The following TMEM131 variants were observed in gnomAD, a reference collection of about 807,000 sequenced individuals.
TMEM131 encodes transmembrane protein 131.
In TMEM131, 66 loss-of-function variants were observed where a neutral mutation model predicts 211.6. The observed-to-expected ratio is 0.31, with a 90% CI of 0.26 to 0.38. The LOEUF is 0.38. Among genes scored for constraint, TMEM131 ranks in the 10% least tolerant of loss-of-function variants. The pLI is 1.00. For missense variants in TMEM131, 2,036 were observed against 2,299.3 expected, an observed-to-expected ratio of 0.89 and a Z score of 2.34; for synonymous variants, 844 against 841.3, an observed-to-expected ratio of 1.00 and a Z score of -0.06.
rs1221501887 is a variant in TMEM131, at chr2:97,776,786, T to C, written c.4145-768A>G. On this transcript the variant is annotated intron_variant, in intron 31 of 40. Coordinates refer to ENST00000186436, the MANE Select transcript of TMEM131 (RefSeq NM_015348.2). ...TTAGGGGCGCTAAGAGTCCCAGCAGTGTAGCCATAATGGCTGGGTGCAAAC... is the reference window on the plus strand; with the variant it reads ...TTAGGGGCGCTAAGAGTCCCAGCAGCGTAGCCATAATGGCTGGGTGCAAAC... Among the ~76,000 whole-genome samples the C allele has an allele frequency of 3.3e-5, 5 of 152,300 alleles. No individual in the cohort carries two copies. In the East Asian group the frequency reaches 5.8e-4, roughly 18 times the overall value.
intron 4 of TMEM131, among the ~76,000 whole-genome samples, chr2:97,875,984 A>G (rs887469268): frequency 1.2e-4 from 18 of 152,224 alleles, no homozygotes; most frequent in African/African-American, 4.3e-4. Context: ...AGACTAATAG[A>G]GAAGAATCAA....
At chr2:97,975,231 C>T (rs1361541908) in intron 1 of TMEM131, among the ~76,000 whole-genome samples, 1 of 150,794 alleles carries the variant, frequency 6.6e-6, no homozygotes, top group African/African-American at 2.4e-5. Context: ...AAATTACACT[C>T]TAAGTAAGCA....
chr2:97,852,058 T>C (rs1348872994), intron 5 of TMEM131, among the ~76,000 whole-genome samples: 1 of 152,196 alleles, frequency 6.6e-6, no homozygotes, highest in Non-Finnish European at 1.5e-5. Flanking sequence ...AAAAATGCTA[T>C]TCCAGTGAAC....
At chr2:97,784,205 A>G (rs562530396) in intron 31 of TMEM131, among the ~76,000 whole-genome samples, 5 of 152,220 alleles carry the variant, frequency 3.3e-5, no homozygotes, top group African/African-American at 1.2e-4. Context: ...ACTTAACACC[A>G]TTATCAACCA....
intron 36 of TMEM131, 32 bp downstream of exon 36, chr2:97,762,003 G>C: frequency 1.3e-6 from 2 of 1,527,654 alleles, no homozygotes; most frequent in Non-Finnish European, 1.7e-6. Flanking sequence ...CACATTTCAA[G>C]CTGAGAACCG....
intron 2 of TMEM131, among the ~76,000 whole-genome samples, chr2:97,908,992 T>G (rs577251126): frequency 5.3e-5 from 8 of 152,182 alleles, no homozygotes; most frequent in Non-Finnish European, 1.0e-4. Flanking sequence ...GACTGTTCCC[T>G]GCTCACTAAC....
intron 1 of TMEM131, among the ~76,000 whole-genome samples, chr2:97,928,065 G>A (rs1466924): frequency 0.76 from 116,330 of 152,078 alleles, 46,195 homozygotes; most frequent in African/African-American, 0.89. Flanking sequence ...TCGTGCTTCT[G>A]GTATTGACTG....
intron 1 of TMEM131, 97 bp from the exon 2 acceptor site, chr2:97,927,584 T>G (rs1286831842): frequency 9.7e-7 from 1 of 1,033,206 alleles, no homozygotes; most frequent in Non-Finnish European, 1.3e-6. Context: ...ATTTTATATC[T>G]AAAAATGGAC....
intron 26 of TMEM131, 84 bp downstream of exon 26, chr2:97,797,281 T>C: frequency 3.1e-6 from 4 of 1,277,340 alleles, no homozygotes; most frequent in East Asian, 2.3e-5. Flanking sequence ...TTTCATAAGT[T>C]AGACATGCAA....
At chr2:97,793,033 T>C in intron 30 of TMEM131, 49 bp from the exon 31 acceptor site, 1 of 1,340,166 alleles carries the variant, frequency 7.5e-7, no homozygotes, top group Non-Finnish European at 9.9e-7. Flanking sequence ...CTACAAAATC[T>C]AATATTAAAA....
chr2:97,973,646 C>A (rs540999413), intron 1 of TMEM131, among the ~76,000 whole-genome samples: 1 of 152,158 alleles, frequency 6.6e-6, no homozygotes, highest in African/African-American at 2.4e-5. Flanking sequence ...AACTCCCCAA[C>A]GCTGGGGAAG....
At chr2:97,931,969 G>C (rs1677239359) in intron 1 of TMEM131, among the ~76,000 whole-genome samples, 2 of 152,062 alleles carry the variant, frequency 1.3e-5, no homozygotes, top group African/African-American at 4.8e-5. Context: ...ATCTGTAAAA[G>C]TTCCTGGTTT....
intron 1 of TMEM131, among the ~76,000 whole-genome samples, chr2:97,982,331 CTA>C (rs924997274): frequency 5.9e-5 from 9 of 152,030 alleles, no homozygotes; most frequent in Admixed American, 1.3e-4. Flanking sequence ...GGAGAAATGC[CTA>C]TTCAGATCCC....
At chr2:97,882,400 C>A (rs1674972408) in intron 4 of TMEM131, among the ~76,000 whole-genome samples, 1 of 152,170 alleles carries the variant, frequency 6.6e-6, no homozygotes, top group African/African-American at 2.4e-5. Flanking sequence ...TAATTAAAGT[C>A]CCTAATAGGC....
At chr2:97,824,741 C>G (rs1034979679) in intron 11 of TMEM131, among the ~76,000 whole-genome samples, 1 of 152,168 alleles carries the variant, frequency 6.6e-6, no homozygotes, top group Non-Finnish European at 1.5e-5. Flanking sequence ...ACTACTTTTC[C>G]TTATCAAAGG....
chr2:97,863,923 T>A, intron 4 of TMEM131, among the ~76,000 whole-genome samples: 1 of 152,176 alleles, frequency 6.6e-6, no homozygotes, highest in East Asian at 1.9e-4. Context: ...TTTTATGTAC[T>A]CCCATGTTTA....
intron 2 of TMEM131, among the ~76,000 whole-genome samples, chr2:97,918,430 T>C (rs1331246008): frequency 6.6e-6 from 1 of 152,148 alleles, no homozygotes; most frequent in Non-Finnish European, 1.5e-5. Context: ...TATAAAATCT[T>C]CTTGCCAAGA....
At chr2:97,898,701 T>C (rs1321505291) in intron 3 of TMEM131, among the ~76,000 whole-genome samples, 1 of 152,178 alleles carries the variant, frequency 6.6e-6, no homozygotes, top group Non-Finnish European at 1.5e-5. Context: ...CAGTTTATGG[T>C]ATTTTGTTAT....
At chr2:97,916,635 G>C (rs1676519075) in intron 2 of TMEM131, among the ~76,000 whole-genome samples, 1 of 152,180 alleles carries the variant, frequency 6.6e-6, no homozygotes, top group African/African-American at 2.4e-5. Flanking sequence ...TTTGCAGAGA[G>C]AAAAATAACT....
Sources: allele counts gnomAD v4.1 joint callset (sites outside exome capture counted in the v4.1 genomes callset), GRCh38; gene constraint gnomAD v4.1.1; transcripts MANE v1.5; gene names NCBI Gene and HGNC (gene_info 2026-07-23, HGNC 2026-07-21).